The following BAZ2B variants were observed in gnomAD, a reference collection of about 807,000 sequenced individuals.
BAZ2B encodes the protein bromodomain adjacent to zinc finger domain protein 2B.
A neutral mutation model predicts 246.0 loss-of-function variants in BAZ2B; 91 were observed. The ratio of observed to expected loss-of-function variants is 0.37; its 90% CI spans 0.31 to 0.44. The LOEUF (loss-of-function observed/expected upper bound fraction) is 0.44, where lower values mean the gene tolerates loss of function less well. Among genes scored for constraint, BAZ2B ranks in the 20% least tolerant of loss-of-function variants. The pLI, the probability that BAZ2B is intolerant of heterozygous loss-of-function variation, is 1.00. For missense variants in BAZ2B, 2,332 were observed against 2,533.7 expected (o/e 0.92, Z 1.71); for synonymous variants, 855 against 860.0 (o/e 0.99, Z 0.10).
chr2:159,560,449 CTG>C (rs1211299982), intron 1 of BAZ2B, among the ~76,000 whole-genome samples: 5 of 152,222 alleles, frequency 3.3e-5, no homozygotes, highest in Admixed American at 3.3e-4. Context: ...TATTTGTAGA[CTG>C]TATCAGTGTT....
At chr2:159,524,214 G>A (rs1055144649) in intron 2 of BAZ2B, among the ~76,000 whole-genome samples, 2 of 152,084 alleles carry the variant, frequency 1.3e-5, no homozygotes, top group African/African-American at 4.8e-5. Flanking sequence ...GACGCCAGGA[G>A]TTTGTGACCA....
chr2:159,580,270 C>T lies in BAZ2B; in HGVS notation c.-45-24405G>A, dbSNP rs187013871. 1.1e-3 allele frequency among the ~76,000 whole-genome samples: 168 copies of T among 152,154 alleles called. 1 individual carries two copies. The Middle Eastern group carries it at 0.044, about 40-fold the overall frequency. On this transcript the variant is annotated intron_variant, in intron 1 of 36. Transcript: ENST00000392783. ...AAAAATCACAAGCATTCCTATATAC[C>T]AATAATAGAGAAACAGCCAAATCAT... is the stretch of plus-strand genomic sequence containing the variant.
chr2:159,607,423 C>G (rs1470011581), intron 1 of BAZ2B, among the ~76,000 whole-genome samples: 2 of 152,132 alleles, frequency 1.3e-5, no homozygotes, highest in African/African-American at 4.8e-5. Flanking sequence ...AATCTCAAAA[C>G]AGAAGATTTG....
chr2:159,361,170 C>G (rs1440823886), intron 27 of BAZ2B, among the ~76,000 whole-genome samples: 2 of 152,184 alleles, frequency 1.3e-5, no homozygotes, highest in East Asian at 3.8e-4. Flanking sequence ...AGGCAGCTTA[C>G]AGAATGGGAG....
intron 2 of BAZ2B, among the ~76,000 whole-genome samples, chr2:159,501,116 T>A (rs1200175438): frequency 4.1e-5 from 2 of 48,624 alleles, no homozygotes; most frequent in Admixed American, 2.1e-4. Context: ...TTTAAAAATA[T>A]ATATATAATA....
intron 1 of BAZ2B, among the ~76,000 whole-genome samples, chr2:159,614,737 G>C (rs1159397786): frequency 6.6e-6 from 1 of 151,942 alleles, no homozygotes; most frequent in African/African-American, 2.4e-5. Flanking sequence ...CGCAGACTTC[G>C]TATACTGATT....
At chr2:159,568,828 T>C (rs1432706720) in intron 1 of BAZ2B, among the ~76,000 whole-genome samples, 1 of 152,200 alleles carries the variant, frequency 6.6e-6, no homozygotes, top group East Asian at 1.9e-4. Flanking sequence ...ACAATAATAC[T>C]GGGAGAAGAG....
At chr2:159,638,722 AT>A in the BAZ2B span, among the ~76,000 whole-genome samples, 1 of 152,084 alleles carries the variant, frequency 6.6e-6, no homozygotes, top group African/African-American at 2.4e-5. Flanking sequence ...AAGAAAAAAA[AT>A]AAAAATACAA....
rs575358933 is a variant in BAZ2B, at chr2:159,546,587, T to C, written c.-3+9236A>G. The stretch of plus-strand genomic sequence containing the variant: ...TCATCAGGCTTTCACTTAATACAAG[T>C]GAACCATTTACAATATTAAATCTAT... On this transcript the variant is annotated intron_variant, in intron 2 of 36. Coordinates refer to ENST00000392783, the MANE Select transcript of BAZ2B (RefSeq NM_013450.4). Among the ~76,000 whole-genome samples the C allele has an allele frequency of 3.3e-5, 5 of 151,048 alleles. No individual in the cohort carries two copies. The East Asian group carries it at 9.7e-4, about 29-fold the overall frequency.
the BAZ2B span, among the ~76,000 whole-genome samples, chr2:159,626,631 C>T: frequency 6.6e-6 from 1 of 152,124 alleles, no homozygotes; most frequent in African/African-American, 2.4e-5. Flanking sequence ...AGAACAAAGA[C>T]ACAACGTCCC....
chr2:159,586,541 C>T (rs902789238), intron 1 of BAZ2B, among the ~76,000 whole-genome samples: 1 of 151,980 alleles, frequency 6.6e-6, no homozygotes, highest in Non-Finnish European at 1.5e-5. Flanking sequence ...TTAAGGAAGA[C>T]CAATAATTAT....
chr2:159,655,602 C>G, the BAZ2B span, among the ~76,000 whole-genome samples: 1 of 151,932 alleles, frequency 6.6e-6, no homozygotes, highest in Admixed American at 6.6e-5. Flanking sequence ...TTTTTTCTCC[C>G]CCCTCACCCT....
At chr2:159,443,237 G>C (rs928571878) in intron 6 of BAZ2B, among the ~76,000 whole-genome samples, 8 of 152,016 alleles carry the variant, frequency 5.3e-5, no homozygotes, top group Non-Finnish European at 1.2e-4. Context: ...ACGACAGTTG[G>C]GATAAAACTC....
intron 1 of BAZ2B, among the ~76,000 whole-genome samples, chr2:159,598,597 C>T (rs1355840673): frequency 1.3e-5 from 2 of 151,240 alleles, no homozygotes; most frequent in African/African-American, 4.9e-5. Context: ...CACCTGTAAT[C>T]CCAACACTTT....
chr2:159,695,902 G>A, the BAZ2B span, among the ~76,000 whole-genome samples: 139 of 152,086 alleles, frequency 9.1e-4, no homozygotes, highest in Middle Eastern at 3.4e-3. Flanking sequence ...ATACAGACAC[G>A]CATGCCACCA....
chr2:159,428,104 T>C (rs1176226092), intron 12 of BAZ2B, 62 bp from the exon 13 acceptor site: 2 of 1,463,090 alleles, frequency 1.4e-6, no homozygotes, highest in Admixed American at 3.4e-5. Context: ...CTTTGATGTA[T>C]AGCTAGCTTC....
upstream of BAZ2B, chr2:159,617,122 G>T (rs1696179413): frequency 6.6e-6 from 1 of 151,990 alleles, no homozygotes; most frequent in South Asian, 2.1e-4. Context: ...CACTGTAAAA[G>T]GTAATCTCGA....
At chr2:159,657,379 T>C in the BAZ2B span, among the ~76,000 whole-genome samples, 1 of 152,342 alleles carries the variant, frequency 6.6e-6, no homozygotes, top group Admixed American at 6.5e-5. Flanking sequence ...AGCTTTACAG[T>C]AAGCCATGAA....
intron 2 of BAZ2B, among the ~76,000 whole-genome samples, chr2:159,535,470 C>T (rs2085867637): frequency 6.6e-6 from 1 of 152,144 alleles, no homozygotes; most frequent in Admixed American, 6.5e-5. Flanking sequence ...TGCAATGAGC[C>T]AAGATTGCGC....
Sources: gnomAD v4.1 joint callset for allele counts (sites outside exome capture counted in the v4.1 genomes callset) on GRCh38, gnomAD v4.1.1 for gene constraint, MANE v1.5 for transcripts, NCBI Gene and HGNC (gene_info 2026-07-23, HGNC 2026-07-21) for gene names.